KARS1: variants seen among roughly 807,000 people sequenced by gnomAD.
KARS1 encodes lysyl-tRNA synthetase 1, also known as lysine--tRNA ligase.
Under a neutral mutation model 63.9 loss-of-function variants are expected in KARS1, and 50 were observed. The ratio of observed to expected loss-of-function variants is 0.78; its 90% CI spans 0.62 to 0.99. The LOEUF is 0.99. Ranked by LOEUF, KARS1 falls within the 50% of genes least tolerant of loss-of-function variation. The probability of loss-of-function intolerance (pLI) is 0.00; values close to 1 mark genes in which losing one functional copy is unlikely to be tolerated. For missense variants in KARS1, 816 were observed against 754.5 expected (o/e 1.08, Z -0.95); for synonymous variants, 320 against 264.6 (o/e 1.21, Z -2.03).
rs538972870 is a variant in KARS1, at chr16:75,647,475, G to C, written c.62+103C>G. The C allele has an allele frequency of 1.2e-4, 130 of 1,095,100 alleles. No homozygotes were observed. In the African/African-American group the frequency reaches 1.9e-3, roughly 16 times the overall value. 67.8% of individuals were successfully genotyped at this position (1,095,100 alleles called of 1,614,324 possible). On this transcript the variant is annotated intron_variant, in intron 1 of 13. Transcript: ENST00000302445. ...CAGCATGTGCGTACCCACGAGAGCCGGCAAGAAGGCCCCGGCACAGCAGCC... is the reference window on the plus strand; with the variant it reads ...CAGCATGTGCGTACCCACGAGAGCCCGCAAGAAGGCCCCGGCACAGCAGCC...
At chr16:75,646,464 C>T (rs1485016094) in intron 1 of KARS1, among the ~76,000 whole-genome samples, 4 of 151,894 alleles carry the variant, frequency 2.6e-5, no homozygotes, top group Non-Finnish European at 4.4e-5. Flanking sequence ...TCGCTTGAAC[C>T]CTGGCAGCGA....
intron 7 of KARS1, 149 bp downstream of exon 7, chr16:75,634,024 T>C (rs953503167): frequency 1.2e-6 from 1 of 823,688 alleles, no homozygotes; most frequent in South Asian, 1.3e-5. Context: ...TCTGGAAGTG[T>C]TACTCACATC....
At position 75,631,857 on chromosome 16, in the gene KARS1, TAAC is replaced by T. The variant is rs768560192; in HGVS notation, c.916-5_916-3del. 3.6e-5 allele frequency: 58 copies of T among 1,613,642 alleles called. 1 individual carries two copies. The South Asian group carries it at 5.2e-4, about 14-fold the overall frequency. The stretch of plus-strand genomic sequence containing the variant: ...GTCGATGCCACCAACCACAAGCATC[TAAC>T]AACAACACATGGCCACGGTCATGAC... On this transcript the variant is annotated splice_region_variant and splice_polypyrimidine_tract_variant and intron_variant, in intron 7 of 13. Coordinates refer to ENST00000302445, the MANE Select transcript of KARS1 (RefSeq NM_005548.3).
At position 75,641,726 on chromosome 16, in the gene KARS1, G is replaced by C; in HGVS notation, c.63-3C>G. Reference sequence around the variant, plus strand: ...CTTTCAGGCGTCTCTTCAGCTCACTGTTGGAAAGATGAAAGCGTTCAATGT... The same window carrying C: ...CTTTCAGGCGTCTCTTCAGCTCACTCTTGGAAAGATGAAAGCGTTCAATGT... On this transcript the variant is annotated splice_polypyrimidine_tract_variant and splice_region_variant and intron_variant, in intron 1 of 13. Transcript: ENST00000302445. 6.2e-7 allele frequency: 1 copy of C among 1,613,626 alleles called. No individual in the cohort carries two copies. The highest frequency in any genetic ancestry group is 1.3e-5 in the African/African-American group (1 of 75,028).
intron 4 of KARS1, 106 bp from the exon 5 acceptor site, chr16:75,636,204 C>T: frequency 2.6e-6 from 2 of 775,958 alleles, no homozygotes; most frequent in Non-Finnish European, 2.2e-6. Flanking sequence ...TTAATGTGAG[C>T]CCAAGAAGGA....
rs757355337 is a variant in KARS1, at chr16:75,647,620, G to T, written c.20C>A (p.Ala7Asp). The T allele has an allele frequency of 1.2e-6, 2 of 1,613,542 alleles. No homozygotes were observed. Among genetic ancestry groups the T allele is most frequent in the Non-Finnish European group, 1.7e-6 (2 of 1,179,844 alleles). The change falls in exon 1 of 14, where the codon GCC (alanine) becomes GAC (aspartate). Residue 7 changes from alanine to aspartate, a missense_variant. By Grantham distance (126) the Ala-to-Asp change is moderately radical. Transcript: ENST00000302445. Reference sequence around the variant, plus strand: ...CTCGCTGCCATCCACTTTCACCTCGGCCGCCTGCACGGCCGCCATCTTCCC... The same window carrying T: ...CTCGCTGCCATCCACTTTCACCTCGTCCGCCTGCACGGCCGCCATCTTCCC... MAAVQA[A>D]EVKVDGSEPK...
chr16:75,644,136 T>C (rs2082254713), intron 1 of KARS1: 1 of 632,590 alleles, frequency 1.6e-6, no homozygotes, highest in Non-Finnish European at 2.7e-6. Flanking sequence ...AAAGAGAAAA[T>C]GAGAAAGGAC....
chr16:75,638,162 C>T (rs1302993099), intron 3 of KARS1, among the ~76,000 whole-genome samples: 1 of 151,564 alleles, frequency 6.6e-6, no homozygotes, highest in Non-Finnish European at 1.5e-5. Flanking sequence ...AATAACACCC[C>T]TCTAGACAAA....
At position 75,640,255 on chromosome 16, in the gene KARS1, G is replaced by C. The variant is rs372028279; in HGVS notation, c.317C>G (p.Thr106Ser). 2 of 1,613,602 alleles carry C rather than the reference G, an allele frequency of 1.2e-6. No homozygotes were observed. The highest frequency in any genetic ancestry group is 1.3e-5 in the African/African-American group (1 of 74,840). Residue 106 changes from threonine to serine, a missense_variant, in exon 3 of 14, where the codon ACT becomes AGT. Physicochemically the swap from Thr to Ser is moderately conservative, Grantham distance 58. Coordinates refer to ENST00000302445, the MANE Select transcript of KARS1 (RefSeq NM_005548.3). ...GTGACTATATTTTTGGATGAAGTCAGTGAGTGAGATGTCTACATGGAACTT... is the reference window on the plus strand; with the variant it reads ...GTGACTATATTTTTGGATGAAGTCACTGAGTGAGATGTCTACATGGAACTT... ...PHKFHVDISL[T>S]DFIQKYSHLQ...
chr16:75,643,482 A>G (rs2082246930), intron 1 of KARS1, among the ~76,000 whole-genome samples: 1 of 149,432 alleles, frequency 6.7e-6, no homozygotes, highest in Non-Finnish European at 1.5e-5. Context: ...GGTTCACACC[A>G]TTTTCCTGCC....
In KARS1 at chr16:75,631,805, G is replaced by C. The variant is rs756805746; in HGVS notation, c.966C>G (p.Phe322Leu). 1.9e-6 allele frequency: 3 copies of C among 1,613,966 alleles called. No individual in the cohort carries two copies. The highest frequency in any genetic ancestry group is 2.5e-6 in the Non-Finnish European group (3 of 1,180,040). ...GCGTCAAATCAATCCCCTCATTCCG[G>C]AACTGGCGTCCAATTTCATAAACCC... ...IDRVYEIGRQ[F>L]RNEGIDLTHN... The change falls in exon 8 of 14, where the codon TTC becomes TTG. Residue 322 changes from phenylalanine (F) to leucine (L), a missense_variant. Physicochemically the swap from Phe to Leu is conservative, Grantham distance 22. Coordinates refer to ENST00000302445, the MANE Select transcript of KARS1 (RefSeq NM_005548.3).
intron 1 of KARS1, among the ~76,000 whole-genome samples, chr16:75,645,864 A>G (rs977403903): frequency 6.8e-6 from 1 of 146,608 alleles, no homozygotes; most frequent in Non-Finnish European, 1.5e-5. Flanking sequence ...AAAAAAAAAA[A>G]AAGTCAGTAA....
intron 7 of KARS1, among the ~76,000 whole-genome samples, chr16:75,633,772 C>T (rs2082135021): frequency 6.6e-6 from 1 of 152,218 alleles, no homozygotes. Flanking sequence ...CCGCCTTGGC[C>T]TCCCAAAGCG....
intron 1 of KARS1, among the ~76,000 whole-genome samples, chr16:75,642,397 TCAC>T (rs1050752696): frequency 5.9e-5 from 9 of 151,980 alleles, no homozygotes; most frequent in African/African-American, 1.7e-4. Context: ...AGACGAGGTT[TCAC>T]CACGTTGGCC....
intron 11 of KARS1, 28 bp from the exon 12 acceptor site, chr16:75,629,569 T>A (rs2082089011): frequency 6.2e-7 from 1 of 1,613,108 alleles, no homozygotes. Flanking sequence ...AAGAGGAGGC[T>A]GAATATAGAG....
rs767901895 is a variant in KARS1 at position 75,627,864 on chromosome 16, CCT to C, written c.*29_*30del. 8.1e-7 allele frequency: 1 copy of C among 1,234,670 alleles called. No homozygotes were observed. Among genetic ancestry groups the C allele is most frequent in the Non-Finnish European group, 1.2e-6 (1 of 834,218 alleles). 76.5% of individuals were successfully genotyped at this position (1,234,670 alleles called of 1,614,324 possible). A position where few individuals can be genotyped will look rare whatever the true frequency, so the allele number is the denominator to read the frequency against. ...GATCTTTCGCAGAAATGCAAAGACG[CCT>C]GAGTTATACAACTTGCAATTATTAT... On this transcript the variant is annotated 3_prime_UTR_variant, in exon 14 of 14. Transcript: ENST00000302445.
chr16:75,647,564 G>A lies in KARS1; in HGVS notation c.62+14C>T. ...CCTACCGCAAAGGCTTTAAAGACTC[G>A]CAGCGACACTCACTTCTTGCTCAGT... is the stretch of plus-strand genomic sequence containing the variant. On this transcript the variant is annotated intron_variant, in intron 1 of 13. Transcript: ENST00000302445. The A allele has an allele frequency of 1.9e-6, 3 of 1,611,474 alleles. No individual in the cohort carries two copies. Among genetic ancestry groups the A allele is most frequent in the Non-Finnish European group, 2.5e-6 (3 of 1,178,434 alleles).
intron 1 of KARS1, among the ~76,000 whole-genome samples, chr16:75,646,680 C>G (rs530410388): frequency 5.3e-5 from 8 of 152,122 alleles, no homozygotes; most frequent in African/African-American, 1.7e-4. Context: ...ACCACTACCT[C>G]AAGTCTCCCA....
In KARS1 at chr16:75,647,665, T is replaced by G; in HGVS notation, c.-26A>C. On this transcript the variant is annotated 5_prime_UTR_variant, in exon 1 of 14. Coordinates refer to ENST00000302445, the MANE Select transcript of KARS1 (RefSeq NM_005548.3). ...CTTCCCGGAGGGCCCGACCCAAAAG[T>G]AAGGAGGATAGTACGTTAATTTCCA... is the stretch of plus-strand genomic sequence containing the variant. 6.2e-7 allele frequency: 1 copy of G among 1,611,498 alleles called. No homozygotes were observed. Among genetic ancestry groups the G allele is most frequent in the Non-Finnish European group, 8.5e-7 (1 of 1,178,134 alleles).
Sources: allele counts gnomAD v4.1 joint callset (sites outside exome capture counted in the v4.1 genomes callset), GRCh38; gene constraint gnomAD v4.1.1; transcripts MANE v1.5; gene names NCBI Gene and HGNC (gene_info 2026-07-23, HGNC 2026-07-21).